NSMCE2: variants seen among roughly 807,000 people sequenced by gnomAD.
NSMCE2 encodes the protein E3 SUMO-protein ligase NSE2.
In NSMCE2, 24 loss-of-function variants were observed where a neutral mutation model predicts 23.8. The observed-to-expected ratio is 1.01, with a 90% CI of 0.73 to 1.42. The LOEUF is 1.42. Among genes scored for constraint, NSMCE2 ranks in the 40% most tolerant of loss-of-function variants. The pLI, the probability that NSMCE2 is intolerant of heterozygous loss-of-function variation, is 0.00. For synonymous variants in NSMCE2, 92 were observed against 94.1 expected, an observed-to-expected ratio of 0.98 and a Z score of 0.13; for missense variants, 284 against 296.5, an observed-to-expected ratio of 0.96 and a Z score of 0.31.
intron 7 of NSMCE2, among the ~76,000 whole-genome samples, chr8:125,358,226 G>T (rs1436610043): frequency 2.4e-4 from 37 of 151,906 alleles, no homozygotes; most frequent in African/African-American, 8.7e-4. Context: ...CCAGCTACTC[G>T]GGAGGCTGAG....
At chr8:125,102,528 A>G (rs747919765) in intron 3 of NSMCE2, 41 bp downstream of exon 3, 1 of 1,531,756 alleles carries the variant, frequency 6.5e-7, no homozygotes, top group South Asian at 1.1e-5. Flanking sequence ...ACTTTGAGGT[A>G]ACACTGTGTG....
intron 5 of NSMCE2, among the ~76,000 whole-genome samples, chr8:125,298,235 G>T (rs1310592664): frequency 1.3e-5 from 2 of 152,224 alleles, no homozygotes; most frequent in African/African-American, 4.8e-5. Flanking sequence ...ACTCCAGCCT[G>T]GGTGACAGTG....
intron 5 of NSMCE2, among the ~76,000 whole-genome samples, chr8:125,247,890 AGTG>A (rs1408293770): frequency 6.6e-6 from 1 of 152,220 alleles, no homozygotes; most frequent in East Asian, 1.9e-4. Flanking sequence ...CTAGTGAACA[AGTG>A]GTGAACTAAA....
chr8:125,249,228 A>C (rs1222871336), intron 5 of NSMCE2, among the ~76,000 whole-genome samples: 2 of 152,066 alleles, frequency 1.3e-5, no homozygotes, highest in Non-Finnish European at 2.9e-5. Context: ...ACCAGAGTCC[A>C]CTTTATTATA....
chr8:125,262,280 C>G (rs1826727754), intron 5 of NSMCE2, among the ~76,000 whole-genome samples: 1 of 151,832 alleles, frequency 6.6e-6, no homozygotes, highest in Non-Finnish European at 1.5e-5. Flanking sequence ...AAAAAATTAG[C>G]CGGGCGTGGT....
At chr8:125,181,847 T>C (rs1315565344) in intron 4 of NSMCE2, among the ~76,000 whole-genome samples, 2 of 152,108 alleles carry the variant, frequency 1.3e-5, no homozygotes, top group African/African-American at 4.8e-5. Flanking sequence ...GACAACAAGT[T>C]AGTAGGATCA....
chr8:125,275,628 C>T (rs1009321741), intron 5 of NSMCE2, among the ~76,000 whole-genome samples: 4 of 152,172 alleles, frequency 2.6e-5, no homozygotes, highest in African/African-American at 9.7e-5. Context: ...TTCTCTAGAC[C>T]TAATGTTTTA....
intron 3 of NSMCE2, among the ~76,000 whole-genome samples, chr8:125,125,128 A>G (rs565472980): frequency 3.3e-5 from 5 of 151,624 alleles, no homozygotes; most frequent in African/African-American, 1.2e-4. Flanking sequence ...GTGAATGGAG[A>G]TAGTTTTATT....
chr8:125,249,100 G>A (rs1014379112), intron 5 of NSMCE2, among the ~76,000 whole-genome samples: 5 of 151,918 alleles, frequency 3.3e-5, no homozygotes, highest in Non-Finnish European at 5.9e-5. Flanking sequence ...GAACCAGAGA[G>A]GCAGAGGTTG....
chr8:125,146,639 C>T (rs1186185888), intron 3 of NSMCE2, among the ~76,000 whole-genome samples: 1 of 152,084 alleles, frequency 6.6e-6, no homozygotes. Flanking sequence ...AGCAAACTAT[C>T]GCAAGGACAG....
chr8:125,154,952 CATAA>C (rs1263913957), intron 4 of NSMCE2, among the ~76,000 whole-genome samples: 37 of 152,180 alleles, frequency 2.4e-4, no homozygotes, highest in South Asian at 4.2e-4. Flanking sequence ...TTTCAGTTTT[CATAA>C]ATAAATGAAT....
intron 5 of NSMCE2, among the ~76,000 whole-genome samples, chr8:125,349,291 A>G (rs769511680): frequency 8.5e-5 from 13 of 152,162 alleles, no homozygotes; most frequent in Non-Finnish European, 1.9e-4. Context: ...GTGACCCCCA[A>G]ATTTTCCAAG....
intron 5 of NSMCE2, among the ~76,000 whole-genome samples, chr8:125,241,833 A>C (rs1251079207): frequency 1.3e-5 from 2 of 152,334 alleles, no homozygotes; most frequent in South Asian, 4.1e-4. Flanking sequence ...TTGAGCTGCT[A>C]TGTGTTAGGC....
chr8:125,334,772 C>CTTTTTTTTTT (rs34213706), intron 5 of NSMCE2, among the ~76,000 whole-genome samples: 1 of 55,870 alleles, frequency 1.8e-5, no homozygotes, highest in African/African-American at 7.5e-5. Context: ...AGTATCTTTT[C>CTTTTTTTTTT]TTTTTTTTTT....
At position 125,141,933 on chromosome 8, in the gene NSMCE2, T is replaced by C. The variant is rs528782173; in HGVS notation, c.158-9238T>C. ...TTGCCGGGCAAATGAGTTTCTGAAC[T>C]TGGGGGAGGGGTATGGTGTTTACAG... On this transcript the variant is annotated intron_variant, in intron 3 of 7. Coordinates refer to ENST00000287437, the MANE Select transcript of NSMCE2 (RefSeq NM_173685.4). 5.9e-5 allele frequency among the ~76,000 whole-genome samples: 9 copies of C among 152,250 alleles called. No individual in the cohort carries two copies. In the East Asian group the frequency reaches 1.7e-3, roughly 29 times the overall value.
chr8:125,357,776 T>C lies in NSMCE2; in HGVS notation c.584T>C (p.Val195Ala), dbSNP rs370316983. 4.3e-6 allele frequency: 7 copies of C among 1,614,170 alleles called. No homozygotes were observed. The highest frequency in any genetic ancestry group is 5.9e-6 in the Non-Finnish European group (7 of 1,179,994). The part of the protein sequence containing the change: ...CGHTYEEDAI[V>A]RMIESRQKRK... ...CACACCTATGAAGAGGACGCCATTG[T>C]TCGCATGATTGAGTCCAGGCAAAAG... Residue 195 changes from valine (V) to alanine (A), a missense_variant, in exon 7 of 8, where the codon GTT becomes GCT. Around this residue, in one of 2 missense-constraint regions of NSMCE2, gnomAD observed 102 missense variants for 141.0 expected, o/e 0.72. Coordinates refer to ENST00000287437, the MANE Select transcript of NSMCE2 (RefSeq NM_173685.4).
intron 3 of NSMCE2, among the ~76,000 whole-genome samples, chr8:125,141,047 G>C (rs565146472): frequency 1.3e-5 from 2 of 152,146 alleles, no homozygotes; most frequent in Non-Finnish European, 2.9e-5. Context: ...CATAGCCTGA[G>C]TTTCCATAGT....
Position 125,150,426 on chromosome 8 carries a change from C to CTTTTTT in NSMCE2, c.158-725_158-720dup, listed in dbSNP as rs71295819. Reference sequence around the variant, plus strand: ...TTTTCTTTTTTTCTTTTCTTTCTTTCTTTTTTTTTTTTTTTTTTTTTTTTT... The same window carrying CTTTTTT: ...TTTTCTTTTTTTCTTTTCTTTCTTTCTTTTTTTTTTTTTTTTTTTTTTTTTTTTTTT... On this transcript the variant is annotated intron_variant, in intron 3 of 7. Transcript: ENST00000287437. 8.2e-3 allele frequency among the ~76,000 whole-genome samples: 510 copies of CTTTTTT among 61,842 alleles called. 5 individuals carry two copies. The highest frequency in any genetic ancestry group is 0.04 in the Middle Eastern group (2 of 50). 40.6% of individuals were successfully genotyped at this position (61,842 alleles called of 152,430 possible). A position where few individuals can be genotyped will look rare whatever the true frequency, so the allele number is the denominator to read the frequency against.
At chr8:125,100,494 T>C (rs1818138465) in intron 1 of NSMCE2, among the ~76,000 whole-genome samples, 1 of 152,150 alleles carries the variant, frequency 6.6e-6, no homozygotes, top group Non-Finnish European at 1.5e-5. Context: ...GCTTTAATTA[T>C]CAGGTTTATG....
Sources: gnomAD v4.1 joint callset for allele counts (sites outside exome capture counted in the v4.1 genomes callset) on GRCh38, gnomAD v4.1.1 for gene constraint, gnomAD v4.1.1 regional missense constraint, MANE v1.5 for transcripts, NCBI Gene and HGNC (gene_info 2026-07-23, HGNC 2026-07-21) for gene names.